The following PNPLA4 variants were observed in gnomAD, a reference collection of about 807,000 sequenced individuals.
PNPLA4 encodes patatin like domain 4, phospholipase and triacylglycerol lipase, also known as patatin-like phospholipase domain-containing protein 4.
Under a neutral mutation model 18.3 loss-of-function variants are expected in PNPLA4, and 15 were observed. That is an observed-to-expected ratio of 0.82 (90% CI 0.55 to 1.26). The LOEUF (loss-of-function observed/expected upper bound fraction) is 1.26, where lower values mean the gene tolerates loss of function less well. Among genes scored for constraint, PNPLA4 ranks in the 50% most tolerant of loss-of-function variants. The probability of loss-of-function intolerance (pLI) is 0.00; values close to 1 mark genes in which losing one functional copy is unlikely to be tolerated. For missense variants in PNPLA4, 229 were observed against 196.8 expected, an observed-to-expected ratio of 1.16 and a Z score of -0.98; for synonymous variants, 88 against 85.6, an observed-to-expected ratio of 1.03 and a Z score of -0.16.
At chrX:7,918,611 C>G (rs1315836164) in intron 4 of PNPLA4, among the ~76,000 whole-genome samples, 1 of 110,928 alleles carries the variant, frequency 9.0e-6, no homozygotes, top group Admixed American at 9.6e-5. Context: ...CCACAGCTAC[C>G]CATCATCGAG....
chrX:7,899,041 A>G lies in PNPLA4; in HGVS notation c.*1645T>C, dbSNP rs1200396764. ...AAGTGGACATAACAATTGAGAATCTATCCACTTCATGTCACTTATGGAAAC... is the reference window on the plus strand; with the variant it reads ...AAGTGGACATAACAATTGAGAATCTGTCCACTTCATGTCACTTATGGAAAC... On this transcript the variant is annotated 3_prime_UTR_variant, in exon 7 of 7. Coordinates refer to ENST00000381042, the MANE Select transcript of PNPLA4 (RefSeq NM_004650.3). The G allele has an allele frequency of 2.7e-5, 3 of 111,967 alleles. No homozygotes were observed. The highest frequency in any genetic ancestry group is 5.6e-5 in the Non-Finnish European group (3 of 53,218). The allele number at this position is 111,967 out of a possible 1,213,427, so 9.2% of individuals were successfully genotyped here.
chrX:7,900,698 A>G lies in PNPLA4; in HGVS notation c.750T>C (p.Asn250=). ...ACTTTTATGCATTTTATTCAAACCA[A>G]TTTTCTTTAAGTAAAAACTTAACAG... ...DDTVKFLLKE[N]WFE Residue 250 remains asparagine, a synonymous_variant, in exon 7 of 7, where the codon AAT becomes AAC. Transcript: ENST00000381042. 8.7e-7 allele frequency: 1 copy of G among 1,152,382 alleles called. No individual in the cohort carries two copies. Among genetic ancestry groups the G allele is most frequent in the South Asian group, 2.0e-5 (1 of 50,363 alleles). 95.0% of individuals were successfully genotyped at this position (1,152,382 alleles called of 1,213,427 possible).
At chrX:7,912,626 C>A (rs1304782281) in intron 4 of PNPLA4, among the ~76,000 whole-genome samples, 2 of 111,864 alleles carry the variant, frequency 1.8e-5, no homozygotes, top group East Asian at 5.6e-4. Context: ...GCAGTGACAT[C>A]AATTATGCTT....
intron 4 of PNPLA4, 54 bp downstream of exon 4, chrX:7,921,659 G>C: frequency 1.9e-6 from 2 of 1,060,843 alleles, no homozygotes; most frequent in Non-Finnish European, 2.6e-6. Context: ...TTTATATGAA[G>C]TATTGAAATC....
Position 7,904,275 on chromosome X carries a change from C to T in PNPLA4, c.478-2134G>A, listed in dbSNP as rs141520856. On this transcript the variant is annotated intron_variant, in intron 5 of 6. Transcript: ENST00000381042. ...TAATGAAAAGAAGGGCAATCTGGCT[C>T]AGTAAATTAAAAAGTGTTCTAATTT... 5.2e-3 allele frequency among the ~76,000 whole-genome samples: 587 copies of T among 112,446 alleles called. 4 individuals carry two copies. Among genetic ancestry groups the T allele is most frequent in the African/African-American group, 0.017 (524 of 30,955 alleles).
At position 7,912,105 on chromosome X, in the gene PNPLA4, A is replaced by C. The variant is rs1193739157; in HGVS notation, c.412-12T>G. Reference sequence around the variant, plus strand: ...CTGGCTAGGAGGACCTAGATGGATAAAATAAAGAAGCAGCTCATGATTACA... The same window carrying C: ...CTGGCTAGGAGGACCTAGATGGATACAATAAAGAAGCAGCTCATGATTACA... On this transcript the variant is annotated splice_polypyrimidine_tract_variant and intron_variant, in intron 4 of 6. Transcript: ENST00000381042. 3.4e-6 allele frequency: 4 copies of C among 1,170,000 alleles called. No homozygotes were observed. In the Admixed American group the frequency reaches 6.6e-5, roughly 19 times the overall value.
intron 4 of PNPLA4, among the ~76,000 whole-genome samples, chrX:7,915,311 G>A (rs967902088): frequency 1.2e-5 from 1 of 82,489 alleles, no homozygotes; most frequent in African/African-American, 4.4e-5. Flanking sequence ...GGAGGGTGGG[G>A]GGGGGGGTGT....
chrX:7,918,365 G>A (rs1924110322), intron 4 of PNPLA4, among the ~76,000 whole-genome samples: 1 of 111,739 alleles, frequency 8.9e-6, no homozygotes, highest in Non-Finnish European at 1.9e-5. Context: ...AGAAGCAAAA[G>A]CAGAAACCCC....
intron 4 of PNPLA4, among the ~76,000 whole-genome samples, chrX:7,920,975 A>C (rs1421176728): frequency 8.9e-6 from 1 of 112,534 alleles, no homozygotes; most frequent in Non-Finnish European, 1.9e-5. Flanking sequence ...TTCTCTGTTA[A>C]AAACATAAAA....
At chrX:7,923,612 T>A (rs1924302995) in intron 2 of PNPLA4, among the ~76,000 whole-genome samples, 2 of 111,943 alleles carry the variant, frequency 1.8e-5, no homozygotes, top group African/African-American at 6.5e-5. Context: ...GCCAAAGGTT[T>A]CCCTCCAATT....
In PNPLA4 at chrX:7,921,792, A is replaced by G; in HGVS notation, c.332T>C (p.Leu111Pro). The stretch of plus-strand genomic sequence containing the variant: ...TTTGGCGTTGGTGATGGATACGTGC[A>G]GTCGGTTCTGGGCCAGCTCGTGAGC... Reference protein sequence around the residue: ...PSAHELAQNRLHVSITNAKTR... With the variant: ...PSAHELAQNRPHVSITNAKTR... Residue 111 changes from leucine to proline, a missense_variant, in exon 4 of 7, where the codon CTG becomes CCG. Leu to Pro is a moderately conservative substitution (Grantham distance 98). Transcript: ENST00000381042. 8.3e-7 allele frequency: 1 copy of G among 1,205,605 alleles called. No homozygotes were observed. Among genetic ancestry groups the G allele is most frequent in the South Asian group, 1.8e-5 (1 of 56,790 alleles).
intron 5 of PNPLA4, among the ~76,000 whole-genome samples, chrX:7,906,567 C>CA (rs775189221): frequency 8.9e-6 from 1 of 111,775 alleles, no homozygotes; most frequent in East Asian, 2.8e-4. Context: ...ACAGACAGTG[C>CA]AAAAAAATCT....
At chrX:7,915,708 G>A (rs181347039) in intron 4 of PNPLA4, among the ~76,000 whole-genome samples, 56 of 112,034 alleles carry the variant, frequency 5.0e-4, no homozygotes, top group African/African-American at 1.8e-3. Flanking sequence ...ATGTGGCCTA[G>A]CTTCCTTAGG....
At position 7,898,831 on chromosome X, in the gene PNPLA4, A is replaced by T. The variant is rs1157012372; in HGVS notation, c.*1855T>A. The T allele has an allele frequency of 8.9e-6, 1 of 111,952 alleles. No individual in the cohort carries two copies. Among genetic ancestry groups the T allele is most frequent in the African/African-American group, 3.2e-5 (1 of 30,780 alleles). 9.2% of individuals were successfully genotyped at this position (111,952 alleles called of 1,213,427 possible). A position where few individuals can be genotyped will look rare whatever the true frequency, so the allele number is the denominator to read the frequency against. On this transcript the variant is annotated 3_prime_UTR_variant, in exon 7 of 7. Transcript: ENST00000381042. ...GTCAAATACATATGTAGTCGATACA[A>T]GATACTTCAAAAAAGTCTTATACAA...
upstream of PNPLA4, chrX:7,927,416 T>A (rs1396297369): frequency 8.8e-6 from 1 of 113,408 alleles, no homozygotes; most frequent in Non-Finnish European, 1.9e-5. Context: ...AGGAAAGTCC[T>A]GCGGCAGGGG....
intron 5 of PNPLA4, among the ~76,000 whole-genome samples, chrX:7,905,635 G>A (rs1419837166): frequency 1.8e-5 from 2 of 112,500 alleles, no homozygotes; most frequent in African/African-American, 6.5e-5. Context: ...ATGGCAGAGG[G>A]CCTAGTAGTT....
chrX:7,909,133 A>C (rs1313927953), intron 5 of PNPLA4, among the ~76,000 whole-genome samples: 1 of 112,028 alleles, frequency 8.9e-6, no homozygotes, highest in Non-Finnish European at 1.9e-5. Context: ...ATCTTGGGGA[A>C]GTTGACCCCT....
At chrX:7,926,964 G>C (rs1230216734) in intron 1 of PNPLA4, among the ~76,000 whole-genome samples, 1 of 112,553 alleles carries the variant, frequency 8.9e-6, no homozygotes, top group African/African-American at 3.2e-5. Flanking sequence ...GCACATTACA[G>C]GGCCTCGAAT....
intron 2 of PNPLA4, among the ~76,000 whole-genome samples, chrX:7,922,439 A>G (rs1924260117): frequency 8.9e-6 from 1 of 112,545 alleles, no homozygotes; most frequent in African/African-American, 3.2e-5. Context: ...TCCCACCCCT[A>G]TTTTGTGGTC....
Sources: gnomAD v4.1 joint callset for allele counts (sites outside exome capture counted in the v4.1 genomes callset) on GRCh38, gnomAD v4.1.1 for gene constraint, MANE v1.5 for transcripts, NCBI Gene and HGNC (gene_info 2026-07-23, HGNC 2026-07-21) for gene names.